Variants in ACSM5 observed in about 807,000 individuals in gnomAD.
ACSM5 encodes acyl-coenzyme A synthetase ACSM5, mitochondrial.
A neutral mutation model predicts 71.6 loss-of-function variants in ACSM5; 56 were observed. The ratio of observed to expected loss-of-function variants is 0.78; its 90% CI spans 0.63 to 0.98. The LOEUF is 0.98. Ranked by LOEUF, ACSM5 falls within the 50% of genes least tolerant of loss-of-function variation. The probability of loss-of-function intolerance (pLI) is 0.00; values close to 1 mark genes in which losing one functional copy is unlikely to be tolerated. For missense variants in ACSM5, 723 were observed against 726.0 expected (o/e 1.00, Z 0.05); for synonymous variants, 285 against 281.5 (o/e 1.01, Z -0.12).
At chr16:20,436,555 G>T (rs1219465376) in intron 10 of ACSM5, among the ~76,000 whole-genome samples, 1 of 152,034 alleles carries the variant, frequency 6.6e-6, no homozygotes, top group African/African-American at 2.4e-5. Context: ...GTCTTTAGTA[G>T]AGACAGGTTT....
In ACSM5 at chr16:20,423,936, A is replaced by G; in HGVS notation, c.788A>G (p.Glu263Gly). Reference sequence around the variant, plus strand: ...GGCAGACGGTGGGTGGCCTTGACCGAATCTGACATCTTCTGGAACACGACT... The same window carrying G: ...GGCAGACGGTGGGTGGCCTTGACCGGATCTGACATCTTCTGGAACACGACT... ...ASGRRWVALTESDIFWNTTDT... is the reference protein window; with the variant it reads ...ASGRRWVALTGSDIFWNTTDT... Residue 263 changes from glutamate to glycine, a missense_variant, in exon 6 of 14, where the codon GAA becomes GGA. Glu to Gly is a moderately conservative substitution (Grantham distance 98, BLOSUM62 -2). Transcript: ENST00000331849. 2 of 1,614,086 alleles carry G rather than the reference A, an allele frequency of 1.2e-6. No homozygotes were observed. Among genetic ancestry groups the G allele is most frequent in the Non-Finnish European group, 1.7e-6 (2 of 1,179,978 alleles).
rs1271922366 is a variant in ACSM5, at chr16:20,441,049, G to A, written c.*622G>A. 1.3e-5 allele frequency: 2 copies of A among 152,108 alleles called. No homozygotes were observed. Among genetic ancestry groups the A allele is most frequent in the African/African-American group, 2.4e-5 (1 of 41,398 alleles). The allele number at this position is 152,108 out of a possible 1,614,324, so 9.4% of individuals were successfully genotyped here. On this transcript the variant is annotated 3_prime_UTR_variant, in exon 14 of 14. Transcript: ENST00000331849. The stretch of plus-strand genomic sequence containing the variant: ...GTAGATTAACTCAATTACATATGAT[G>A]TAGCCACTAAAATATTTGAGAGCAG...
At chr16:20,436,336 T>G (rs989312284) in intron 10 of ACSM5, among the ~76,000 whole-genome samples, 2 of 147,206 alleles carry the variant, frequency 1.4e-5, no homozygotes, top group African/African-American at 5.0e-5. Context: ...TGCAGTGCAG[T>G]GGCACAATCT....
chr16:20,421,041 T>C, intron 4 of ACSM5: 1 of 400,746 alleles, frequency 2.5e-6, no homozygotes, highest in Non-Finnish European at 4.2e-6. Context: ...GTGAATTATT[T>C]ATCTATTTTG....
intron 3 of ACSM5, 53 bp from the exon 4 acceptor site, chr16:20,419,175 T>C (rs1387541787): frequency 9.5e-6 from 15 of 1,578,924 alleles, no homozygotes; most frequent in Non-Finnish European, 1.2e-5. Context: ...CTTACCTCTA[T>C]ACCCAAGGCC....
intron 10 of ACSM5, among the ~76,000 whole-genome samples, chr16:20,435,183 C>T (rs1463211524): frequency 6.6e-6 from 1 of 152,130 alleles, no homozygotes; most frequent in Non-Finnish European, 1.5e-5. Context: ...CAGGCGCCTG[C>T]CGCCACACCT....
rs1270919652 is a variant in ACSM5, at chr16:20,440,426, G to A, written c.1739G>A (p.Ter580=). 1.9e-6 allele frequency: 3 copies of A among 1,610,174 alleles called. No individual in the cohort carries two copies. In the South Asian group the frequency reaches 3.3e-5, roughly 18 times the overall value. Residue 580 remains the stop codon, a stop_retained_variant, in exon 14 of 14, where the codon TGA becomes TAA. Transcript: ENST00000331849. ...TTGCGAAGTCAGGAGTGGGGGAAAT[G>A]AGGTGCACCCCAGGAAGGCCCCGTA... ...SKLRSQEWGK[*] is the part of the protein sequence containing the mutation.
intron 1 of ACSM5, among the ~76,000 whole-genome samples, chr16:20,411,186 G>A (rs1966846957): frequency 1.3e-5 from 2 of 152,228 alleles, no homozygotes; most frequent in Admixed American, 1.3e-4. Flanking sequence ...GCCTTTTTGA[G>A]GGATTCCTTT....
At chr16:20,430,598 AAAG>A (rs1967073564) in intron 8 of ACSM5, among the ~76,000 whole-genome samples, 1 of 152,090 alleles carries the variant, frequency 6.6e-6, no homozygotes, top group Non-Finnish European at 1.5e-5. Flanking sequence ...AGAGAAAGGA[AAAG>A]AAGGAGGAAA....
At position 20,421,401 on chromosome 16, in the gene ACSM5, G is replaced by T; in HGVS notation, c.767G>T (p.Arg256Ile). ...GGACTGGGTTTTGTGGCCAGCGGAAGGTACCAGAGCAGCTTGTCTAGAGGA... is the reference window on the plus strand; with the variant it reads ...GGACTGGGTTTTGTGGCCAGCGGAATGTACCAGAGCAGCTTGTCTAGAGGA... ...SYGLGFVASG[R>I]RWVALTESDI... Residue 256 changes from arginine (R) to isoleucine (I), a missense_variant and splice_region_variant, in exon 5 of 14, where the codon AGA becomes ATA. Physicochemically the swap from Arg to Ile is moderately conservative, Grantham distance 97 (BLOSUM62 -3). Coordinates refer to ENST00000331849, the MANE Select transcript of ACSM5 (RefSeq NM_017888.3). 2 of 1,596,030 alleles carry T rather than the reference G, an allele frequency of 1.3e-6. No individual in the cohort carries two copies. Among genetic ancestry groups the T allele is most frequent in the East Asian group, 2.3e-5 (1 of 43,956 alleles).
At chr16:20,425,722 C>G (rs1453227552) in intron 6 of ACSM5, among the ~76,000 whole-genome samples, 1 of 152,218 alleles carries the variant, frequency 6.6e-6, no homozygotes, top group East Asian at 1.9e-4. Flanking sequence ...GAATAATAGT[C>G]TACAATCTCA....
intron 12 of ACSM5, among the ~76,000 whole-genome samples, chr16:20,438,327 T>G (rs1374556403): frequency 6.6e-6 from 1 of 151,878 alleles, no homozygotes; most frequent in Non-Finnish European, 1.5e-5. Flanking sequence ...GTCTGGTTCT[T>G]GGACTGCTTG....
chr16:20,412,878 A>G (rs894478922), intron 2 of ACSM5, among the ~76,000 whole-genome samples: 7 of 152,262 alleles, frequency 4.6e-5, no homozygotes, highest in Non-Finnish European at 1.0e-4. Flanking sequence ...AGTAAATGGC[A>G]TTGTTAGTAG....
At chr16:20,431,756 G>T (rs1192575177) in intron 10 of ACSM5, among the ~76,000 whole-genome samples, 2 of 152,020 alleles carry the variant, frequency 1.3e-5, no homozygotes, top group Non-Finnish European at 2.9e-5. Flanking sequence ...TTCAACACCA[G>T]CCTGGTCAGC....
intron 2 of ACSM5, among the ~76,000 whole-genome samples, chr16:20,415,706 C>G (rs1751330751): frequency 6.6e-6 from 1 of 152,108 alleles, no homozygotes; most frequent in Non-Finnish European, 1.5e-5. Context: ...GAATTGGGAG[C>G]CCAGAGGGTG....
chr16:20,410,965 T>C (rs1470482639), intron 1 of ACSM5, among the ~76,000 whole-genome samples: 2 of 152,240 alleles, frequency 1.3e-5, no homozygotes, highest in African/African-American at 4.8e-5. Context: ...CAATTTATTC[T>C]TCTATTGACT....
chr16:20,424,840 T>C (rs1430805812), intron 6 of ACSM5, among the ~76,000 whole-genome samples: 1 of 152,254 alleles, frequency 6.6e-6, no homozygotes, highest in African/African-American at 2.4e-5. Flanking sequence ...TCATAGGTTC[T>C]TTTTTGAAAT....
At chr16:20,437,211 G>C in intron 11 of ACSM5, 32 bp downstream of exon 11, 1 of 1,614,054 alleles carries the variant, frequency 6.2e-7, no homozygotes. Flanking sequence ...TCCTTCCTTT[G>C]AAATTTCATG....
rs539730839 is a variant in ACSM5, at chr16:20,411,915, A to C, written c.204+227A>C. The C allele has an allele frequency of 1.3e-5, 7 of 551,770 alleles. No homozygotes were observed. In the Admixed American group the frequency reaches 1.9e-4, roughly 15 times the overall value. The allele number at this position is 551,770 out of a possible 1,614,324, so 34.2% of individuals were successfully genotyped here. The stretch of plus-strand genomic sequence containing the variant: ...TTCTCTGAAGTGTCCTGCATTCTTG[A>C]GCCCAAATCACACAGTGAGACAGTT... On this transcript the variant is annotated intron_variant, in intron 2 of 13. Coordinates refer to ENST00000331849, the MANE Select transcript of ACSM5 (RefSeq NM_017888.3).
Sources: allele counts gnomAD v4.1 joint callset (sites outside exome capture counted in the v4.1 genomes callset), GRCh38; gene constraint gnomAD v4.1.1; transcripts MANE v1.5; gene names NCBI Gene and HGNC (gene_info 2026-07-23, HGNC 2026-07-21).